The following NRG1 variants were observed in gnomAD, a reference collection of about 807,000 sequenced individuals.
The protein encoded by NRG1 is neuregulin 1, also known as pro-neuregulin-1, membrane-bound isoform.
In NRG1, 18 loss-of-function variants were observed where a neutral mutation model predicts 63.8. The ratio of observed to expected loss-of-function variants is 0.28; its 90% CI spans 0.19 to 0.42. The LOEUF is 0.42. Ranked by LOEUF, NRG1 falls within the 10% of genes least tolerant of loss-of-function variation. NRG1 has a pLI of 1.00. For synonymous variants in NRG1, 302 were observed against 301.3 expected, an observed-to-expected ratio of 1.00 and a Z score of -0.02; for missense variants, 762 against 814.7, an observed-to-expected ratio of 0.94 and a Z score of 0.79.
In NRG1 at chr8:31,829,321, C is replaced by T. The variant is rs1054071534; in HGVS notation, c.37+189890C>T. Among the ~76,000 whole-genome samples the T allele has an allele frequency of 9.2e-5, 14 of 152,328 alleles. No homozygotes were observed. In the East Asian group the frequency reaches 2.5e-3, roughly 27 times the overall value. On this transcript the variant is annotated intron_variant, in intron 1 of 10. Transcript: ENST00000519301. ...CCTTCATTTTTGCTTTTCATTTCCC[C>T]TAATACATTGCTGGACACTTAATTG...
At chr8:32,270,536 A>C (rs1851434046) in intron 1 of NRG1, among the ~76,000 whole-genome samples, 1 of 152,248 alleles carries the variant, frequency 6.6e-6, no homozygotes, top group Non-Finnish European at 1.5e-5. Context: ...AGGCAAAAGA[A>C]AGAAAATTCA....
chr8:31,804,787 T>G (rs945873687), intron 1 of NRG1, among the ~76,000 whole-genome samples: 2 of 152,238 alleles, frequency 1.3e-5, no homozygotes, highest in African/African-American at 4.8e-5. Flanking sequence ...TGTGGTCAAC[T>G]GATTATAGAT....
At chr8:32,063,298 C>T (rs1586829197) in intron 1 of NRG1, 1 of 152,202 alleles carries the variant, frequency 6.6e-6, no homozygotes, top group Middle Eastern at 3.4e-3. Flanking sequence ...CTGCAACTAA[C>T]CCATCTGGAA....
chr8:31,740,392 C>T (rs1369511725), intron 1 of NRG1, among the ~76,000 whole-genome samples: 1 of 151,834 alleles, frequency 6.6e-6, no homozygotes, highest in Non-Finnish European at 1.5e-5. Context: ...TCAAGTAAGC[C>T]CTCAGTTGTC....
At chr8:32,693,914 G>A (rs1812558240) in intron 5 of NRG1, among the ~76,000 whole-genome samples, 1 of 152,180 alleles carries the variant, frequency 6.6e-6, no homozygotes, top group Non-Finnish European at 1.5e-5. Flanking sequence ...TTTTGAGAAA[G>A]AGAAGCACAG....
rs369453299 is a variant in NRG1, at chr8:32,646,550, C to G, written c.502+29665C>G. On this transcript the variant is annotated intron_variant, in intron 5 of 11. Coordinates refer to ENST00000356819, the Ensembl canonical transcript of NRG1. ...CCATAAGGTCCCACCTACACCACCC[C>G]CCACCCCATCCCCATCCCAGCTTTG... Among the ~76,000 whole-genome samples the G allele has an allele frequency of 2.6e-5, 4 of 152,272 alleles. No individual in the cohort carries two copies. In the South Asian group the frequency reaches 6.2e-4, roughly 24 times the overall value.
intron 1 of NRG1, chr8:32,030,375 G>A (rs1818077463): frequency 6.6e-6 from 1 of 152,092 alleles, no homozygotes; most frequent in Non-Finnish European, 1.5e-5. Flanking sequence ...GCTCTTCCTA[G>A]GCTAAGAATA....
chr8:31,690,877 G>T (rs1051243777), intron 1 of NRG1, among the ~76,000 whole-genome samples: 3 of 152,142 alleles, frequency 2.0e-5, no homozygotes, highest in African/African-American at 4.8e-5. Context: ...GACTTCCAAG[G>T]GTAGATGGTG....
chr8:31,701,947 T>C (rs1258258813), intron 1 of NRG1, among the ~76,000 whole-genome samples: 3 of 152,154 alleles, frequency 2.0e-5, no homozygotes, highest in Non-Finnish European at 4.4e-5. Flanking sequence ...GTGAGCTTAT[T>C]AGAACTGTAA....
At chr8:32,188,759 A>C (rs1183760371) in intron 1 of NRG1, among the ~76,000 whole-genome samples, 1 of 151,988 alleles carries the variant, frequency 6.6e-6, no homozygotes, top group African/African-American at 2.4e-5. Context: ...GGACTTGAAC[A>C]ATGAGAACAC....
intron 1 of NRG1, among the ~76,000 whole-genome samples, chr8:32,377,536 A>G (rs967362919): frequency 1.3e-5 from 2 of 152,214 alleles, no homozygotes; most frequent in Admixed American, 6.5e-5. Context: ...ACAAAAACAC[A>G]TCATCAATTA....
In NRG1 at chr8:32,492,710, T is replaced by C. The variant is rs528576290; in HGVS notation, c.38-103118T>C. On this transcript the variant is annotated intron_variant, in intron 1 of 10. Transcript: ENST00000519301. ...CCGTCCCTGTGTTCTGAGTAACATC[T>C]GTATTCACCCCTGCCTTTCCATTGA... is the stretch of plus-strand genomic sequence containing the variant. Among the ~76,000 whole-genome samples, 5 of 152,334 alleles carry C rather than the reference T, an allele frequency of 3.3e-5. No homozygotes were observed. In the East Asian group the frequency reaches 7.7e-4, roughly 24 times the overall value.
chr8:32,336,422 G>T (rs1443530987), intron 1 of NRG1, among the ~76,000 whole-genome samples: 1 of 152,094 alleles, frequency 6.6e-6, no homozygotes, highest in Non-Finnish European at 1.5e-5. Context: ...TAGACCTGAG[G>T]CTGTGAGGAA....
At chr8:31,967,887 T>C (rs1806626237) in intron 1 of NRG1, among the ~76,000 whole-genome samples, 1 of 152,194 alleles carries the variant, frequency 6.6e-6, no homozygotes, top group Admixed American at 6.5e-5. Context: ...GTCATAGTTG[T>C]TAAAGCTTCC....
intron 1 of NRG1, among the ~76,000 whole-genome samples, chr8:32,010,163 A>T (rs1814515391): frequency 6.6e-6 from 1 of 152,020 alleles, no homozygotes; most frequent in African/African-American, 2.4e-5. Context: ...TCATACCCCA[A>T]ATTAGGTGGG....
At chr8:32,283,975 G>C (rs1853200425) in intron 1 of NRG1, among the ~76,000 whole-genome samples, 1 of 152,124 alleles carries the variant, frequency 6.6e-6, no homozygotes, top group African/African-American at 2.4e-5. Flanking sequence ...GTTTGATAAA[G>C]GATGTGTGGA....
intron 1 of NRG1, among the ~76,000 whole-genome samples, chr8:31,885,177 T>A (rs980854775): frequency 5.3e-5 from 8 of 152,110 alleles, no homozygotes; most frequent in African/African-American, 9.7e-5. Context: ...CAGAAATGGA[T>A]CTCTCATGCT....
At chr8:32,486,977 T>C (rs1480710051) in intron 1 of NRG1, among the ~76,000 whole-genome samples, 1 of 152,138 alleles carries the variant, frequency 6.6e-6, no homozygotes, top group African/African-American at 2.4e-5. Flanking sequence ...TTCTGCTAGA[T>C]CTAGTTAATA....
At chr8:32,503,420 A>G (rs1239099186) in intron 1 of NRG1, among the ~76,000 whole-genome samples, 1 of 151,792 alleles carries the variant, frequency 6.6e-6, no homozygotes, top group African/African-American at 2.4e-5. Flanking sequence ...TTAACTTAGT[A>G]TAACTTTAAG....
Sources: allele counts gnomAD v4.1 joint callset (sites outside exome capture counted in the v4.1 genomes callset), GRCh38; gene constraint gnomAD v4.1.1; transcripts MANE v1.5; gene names NCBI Gene and HGNC (gene_info 2026-07-23, HGNC 2026-07-21).